MAGEB3: variants seen among roughly 807,000 people sequenced by gnomAD.
The protein encoded by MAGEB3 is melanoma-associated antigen B3.
For synonymous variants in MAGEB3, 91 were observed against 93.0 expected, an observed-to-expected ratio of 0.98 and a Z score of 0.12; for missense variants, 191 against 262.4, an observed-to-expected ratio of 0.73 and a Z score of 1.88.
chrX:30,236,894 C>G lies in MAGEB3; in HGVS notation c.970C>G (p.Leu324Val). The change falls in exon 5 of 5, where the codon CTC becomes GTC. Residue 324 changes from leucine (L) to valine (V), a missense_variant. Leu to Val is a conservative substitution (Grantham distance 32). Transcript: ENST00000361644. Reference sequence around the variant, plus strand: ...AGAAAGAGTCCAAGCTGCAGCTATGCTCAATGATGGCAGTAGTGCCATGGG... The same window carrying G: ...AGAAAGAGTCCAAGCTGCAGCTATGGTCAATGATGGCAGTAGTGCCATGGG... ...EEERVQAAAM[L>V]NDGSSAMGRK... is the part of the protein sequence containing the mutation. 8.3e-7 allele frequency: 1 copy of G among 1,211,298 alleles called. No homozygotes were observed. The highest frequency in any genetic ancestry group is 1.1e-6 in the Non-Finnish European group (1 of 895,117).
chrX:30,231,662 G>C (rs1924790489), intron 2 of MAGEB3, 44 bp downstream of exon 2: 1 of 59,014 alleles, frequency 1.7e-5, no homozygotes. Context: ...GGAAGACAGA[G>C]AGAGCCCCTG....
At chrX:30,233,886 G>T (rs2147337761) in intron 4 of MAGEB3, among the ~76,000 whole-genome samples, 1 of 111,611 alleles carries the variant, frequency 9.0e-6, no homozygotes, top group Admixed American at 9.4e-5. Context: ...CAGAGGGAGG[G>T]TCTTTCACTA....
chrX:30,233,440 G>GAA (rs61728131), intron 4 of MAGEB3, 77 bp downstream of exon 4: 3 of 64,500 alleles, frequency 4.7e-5, no homozygotes, highest in East Asian at 5.6e-4. Flanking sequence ...AAAAAAAAAA[G>GAA]AAAGAAAGAA....
intron 2 of MAGEB3, among the ~76,000 whole-genome samples, chrX:30,232,453 C>A (rs1220842338): frequency 2.0e-5 from 1 of 50,377 alleles, no homozygotes; most frequent in East Asian, 4.7e-4. Context: ...AAACCTGTCT[C>A]TACAAAAAAA....
rs1924789150 is a variant in MAGEB3 at position 30,231,630 on chromosome X, T to A, written c.-254+12T>A. 1 of 81,115 alleles carries A rather than the reference T, an allele frequency of 1.2e-5. No individual in the cohort carries two copies. Among genetic ancestry groups the A allele is most frequent in the Non-Finnish European group, 2.2e-5 (1 of 44,905 alleles). The allele number at this position is 81,115 out of a possible 1,213,427, so 6.7% of individuals were successfully genotyped here. A position where few individuals can be genotyped will look rare whatever the true frequency, so the allele number is the denominator to read the frequency against. On this transcript the variant is annotated intron_variant, in intron 2 of 4. Coordinates refer to ENST00000361644, the MANE Select transcript of MAGEB3 (RefSeq NM_002365.5). ...AGGTGGAGGTTGTGGTAAGTCAAGA[T>A]TGCGCGGCTACACTCCAGCCTGGAA...
At chrX:30,234,696 A>T (rs1924928443) in intron 4 of MAGEB3, among the ~76,000 whole-genome samples, 1 of 111,644 alleles carries the variant, frequency 9.0e-6, no homozygotes. Context: ...TTGGGTCCTA[A>T]CTGGAGTCAA....
chrX:30,236,946 G>A lies in MAGEB3; in HGVS notation c.1022G>A (p.Ser341Asn). Reference sequence around the variant, plus strand: ...AGAAAGTGTTCCAAGGCCAAGGCTAGCAGCTCTTCCCACGCCTAGTGAAGT... The same window carrying A: ...AGAAAGTGTTCCAAGGCCAAGGCTAACAGCTCTTCCCACGCCTAGTGAAGT... ...MGRKCSKAKA[S>N]SSSHA The change falls in exon 5 of 5, where the codon AGC becomes AAC. Residue 341 changes from serine (S) to asparagine (N), a missense_variant. Physicochemically the swap from Ser to Asn is conservative, Grantham distance 46 (BLOSUM62 1). Coordinates refer to ENST00000361644, the MANE Select transcript of MAGEB3 (RefSeq NM_002365.5). The A allele has an allele frequency of 8.3e-7, 1 of 1,200,349 alleles. No individual in the cohort carries two copies. Among genetic ancestry groups the A allele is most frequent in the Non-Finnish European group, 1.1e-6 (1 of 889,724 alleles).
rs754266826 is a variant in MAGEB3, at chrX:30,236,458, T to C, written c.534T>C (p.Tyr178=). The C allele has an allele frequency of 5.0e-6, 6 of 1,209,761 alleles. No individual in the cohort carries two copies. In the Admixed American group the frequency reaches 6.5e-5, roughly 13 times the overall value. ...AAGTTGATTCTACCAAGGACTCCTA[T>C]GTCCTTGTCAGCAAAATGGATCTCC... is the stretch of plus-strand genomic sequence containing the variant. ...LKKVDSTKDS[Y]VLVSKMDLPN... is the part of the protein sequence containing the mutation. The change falls in exon 5 of 5, where the codon TAT becomes TAC. Residue 178 remains tyrosine, a synonymous_variant. Coordinates refer to ENST00000361644, the MANE Select transcript of MAGEB3 (RefSeq NM_002365.5).
In MAGEB3 at chrX:30,236,866, G is replaced by A. The variant is rs370091710; in HGVS notation, c.942G>A (p.Glu314=). The change falls in exon 5 of 5, where the codon GAG becomes GAA. Residue 314 remains glutamate, a synonymous_variant. Coordinates refer to ENST00000361644, the MANE Select transcript of MAGEB3 (RefSeq NM_002365.5). ...GGTATGAAGAGGCTTTGAGAGATGA[G>A]GAAGAAAGAGTCCAAGCTGCAGCTA... is the stretch of plus-strand genomic sequence containing the variant. ...QFWYEEALRD[E]EERVQAAAML... The A allele has an allele frequency of 8.3e-7, 1 of 1,211,530 alleles. No homozygotes were observed. The highest frequency in any genetic ancestry group is 1.1e-6 in the Non-Finnish European group (1 of 895,206).
intron 1 of MAGEB3, 93 bp downstream of exon 1, chrX:30,230,910 A>G (rs1292942498): frequency 8.9e-6 from 1 of 111,789 alleles, no homozygotes; most frequent in Non-Finnish European, 1.9e-5. Context: ...AGGCAGAGCT[A>G]TAAAACTGGC....
rs956980006 is a variant in MAGEB3, at chrX:30,235,798, T to C, written c.-61-66T>C. 8.9e-5 allele frequency: 45 copies of C among 507,492 alleles called. No individual in the cohort carries two copies. In the African/African-American group the frequency reaches 9.9e-4, roughly 11 times the overall value. 41.8% of individuals were successfully genotyped at this position (507,492 alleles called of 1,213,427 possible). On this transcript the variant is annotated intron_variant, in intron 4 of 4. Coordinates refer to ENST00000361644, the MANE Select transcript of MAGEB3 (RefSeq NM_002365.5). The stretch of plus-strand genomic sequence containing the variant: ...CAGAAAACTGCAGAGGCGACCTTCT[T>C]TTAAATCCAAAGTGGTACCTCTCTG...
Position 30,235,988 on chromosome X carries a change from A to T in MAGEB3, c.64A>T (p.Thr22Ser). Residue 22 changes from threonine (T) to serine (S), a missense_variant, in exon 5 of 5, where the codon ACC (threonine) becomes TCC (serine). Thr to Ser is a moderately conservative substitution (Grantham distance 58). Coordinates refer to ENST00000361644, the MANE Select transcript of MAGEB3 (RefSeq NM_002365.5). ...GAAACGCCAGCAGACCCGGGGTCAGACCCAGGATCACCAGGGTGCTCAGAT... is the reference window on the plus strand; with the variant it reads ...GAAACGCCAGCAGACCCGGGGTCAGTCCCAGGATCACCAGGGTGCTCAGAT... ...REKRQQTRGQ[T>S]QDHQGAQITA... The T allele has an allele frequency of 8.3e-7, 1 of 1,211,083 alleles. No individual in the cohort carries two copies. Among genetic ancestry groups the T allele is most frequent in the Non-Finnish European group, 1.1e-6 (1 of 895,165 alleles).
In MAGEB3 at chrX:30,235,863, G is replaced by A; in HGVS notation, c.-61-1G>A. On this transcript the variant is annotated splice_acceptor_variant, in intron 4 of 4. Transcript: ENST00000361644. LOFTEE classifies it low-confidence loss of function (5UTR_SPLICE). ...ACCCTCTCTTTCTCTCTCTCCTCCA[G>A]GTGCCTGTATCACCTGCCCTTCTGC... is the stretch of plus-strand genomic sequence containing the variant. 1.2e-6 allele frequency: 1 copy of A among 868,630 alleles called. No homozygotes were observed. Among genetic ancestry groups the A allele is most frequent in the East Asian group, 3.1e-5 (1 of 31,959 alleles). 71.6% of individuals were successfully genotyped at this position (868,630 alleles called of 1,213,427 possible). A position where few individuals can be genotyped will look rare whatever the true frequency, so the allele number is the denominator to read the frequency against.
chrX:30,232,299 G>C (rs1476865621), intron 2 of MAGEB3, among the ~76,000 whole-genome samples: 1 of 111,691 alleles, frequency 9.0e-6, no homozygotes, highest in Non-Finnish European at 1.9e-5. Flanking sequence ...TTCTTCAGAG[G>C]TCTCTTGGCC....
At chrX:30,231,926 T>A (rs1401983883) in intron 2 of MAGEB3, among the ~76,000 whole-genome samples, 22 of 109,380 alleles carry the variant, frequency 2.0e-4, no homozygotes, top group African/African-American at 3.0e-4. Context: ...CCGCTTAGTA[T>A]CAAGGTGAGA....
chrX:30,230,912 A>C, intron 1 of MAGEB3, 95 bp downstream of exon 1: 1 of 111,705 alleles, frequency 9.0e-6, no homozygotes, highest in Non-Finnish European at 1.9e-5. Context: ...GCAGAGCTAT[A>C]AAACTGGCTT....
At chrX:30,234,307 T>C (rs1214690744) in intron 4 of MAGEB3, among the ~76,000 whole-genome samples, 1 of 110,433 alleles carries the variant, frequency 9.1e-6, no homozygotes, top group Non-Finnish European at 1.9e-5. Flanking sequence ...GACCAGCAAC[T>C]CCAAAACAGT....
Position 30,236,098 on chromosome X carries a change from A to C in MAGEB3, c.174A>C (p.Ser58=), listed in dbSNP as rs753527600. Residue 58 remains serine, a synonymous_variant, in exon 5 of 5, where the codon TCA becomes TCC. Transcript: ENST00000361644. ...ATIQKKSAGR[S]RSALKKPQRA... Reference sequence around the variant, plus strand: ...TCCAGAAAAAGTCTGCTGGTAGGTCACGTAGTGCTCTCAAGAAGCCTCAGA... The same window carrying C: ...TCCAGAAAAAGTCTGCTGGTAGGTCCCGTAGTGCTCTCAAGAAGCCTCAGA... The C allele has an allele frequency of 8.3e-7, 1 of 1,210,382 alleles. No homozygotes were observed. Among genetic ancestry groups the C allele is most frequent in the Non-Finnish European group, 1.1e-6 (1 of 894,713 alleles).
chrX:30,231,016 A>G (rs2147334844), intron 1 of MAGEB3, among the ~76,000 whole-genome samples, 199 bp downstream of exon 1: 1 of 110,899 alleles, frequency 9.0e-6, no homozygotes, highest in South Asian at 3.9e-4. Flanking sequence ...CCCTAACTAG[A>G]GTCAAGATGA....
Sources: allele counts gnomAD v4.1 joint callset (sites outside exome capture counted in the v4.1 genomes callset), GRCh38; gene constraint gnomAD v4.1.1; transcripts MANE v1.5; gene names NCBI Gene and HGNC (gene_info 2026-07-23, HGNC 2026-07-21).